The following EFNA5 variants were observed in gnomAD, a reference collection of about 807,000 sequenced individuals.
EFNA5 encodes ephrin-A5.
Under a neutral mutation model 22.9 loss-of-function variants are expected in EFNA5, and 5 were observed. The observed-to-expected ratio is 0.22, with a 90% CI of 0.11 to 0.46. EFNA5 has a LOEUF of 0.46. Among genes scored for constraint, EFNA5 ranks in the 20% least tolerant of loss-of-function variants. EFNA5 has a pLI of 0.99. For synonymous variants in EFNA5, 113 were observed against 112.2 expected, an observed-to-expected ratio of 1.01 and a Z score of -0.04; for missense variants, 237 against 293.3, an observed-to-expected ratio of 0.81 and a Z score of 1.40.
Position 107,381,358 on chromosome 5 carries a change from G to A in EFNA5, c.584C>T (p.Ser195Leu). Residue 195 changes from serine (S) to leucine (L), a missense_variant, in exon 5 of 5, where the codon TCA (serine) becomes TTA (leucine). Ser to Leu is a moderately radical substitution (Grantham distance 145). Coordinates refer to ENST00000333274, the MANE Select transcript of EFNA5 (RefSeq NM_001962.3). ...GTTCTCGCCGCGGGATGGCTCGGCTGACTCATGTACGGTGTCATCTGTTCA... is the reference window on the plus strand; with the variant it reads ...GTTCTCGCCGCGGGATGGCTCGGCTAACTCATGTACGGTGTCATCTGTTCA... The part of the protein sequence containing the change: ...LEPADDTVHE[S>L]AEPSRGENAA... 1 of 1,613,864 alleles carries A rather than the reference G, an allele frequency of 6.2e-7. No homozygotes were observed. Among genetic ancestry groups the A allele is most frequent in the Non-Finnish European group, 8.5e-7 (1 of 1,179,826 alleles).
intron 1 of EFNA5, among the ~76,000 whole-genome samples, chr5:107,598,049 G>T (rs140882043): frequency 6.6e-6 from 1 of 152,064 alleles, no homozygotes; most frequent in Non-Finnish European, 1.5e-5. Context: ...AACCATTTAC[G>T]ATAACTTTAA....
rs758700472 is a variant in EFNA5 at position 107,387,319 on chromosome 5, T to C, written c.485-4A>G. 4 of 1,582,590 alleles carry C rather than the reference T, an allele frequency of 2.5e-6. No individual in the cohort carries two copies. Among genetic ancestry groups the C allele is most frequent in the East Asian group, 2.3e-5 (1 of 44,264 alleles). ...CCTATAGTTTTCATACAGCTATCTA[T>C]AACAAAAATAGAGATAACAGCCAAA... On this transcript the variant is annotated splice_region_variant and splice_polypyrimidine_tract_variant and intron_variant, in intron 3 of 4. Coordinates refer to ENST00000333274, the MANE Select transcript of EFNA5 (RefSeq NM_001962.3).
intron 1 of EFNA5, among the ~76,000 whole-genome samples, chr5:107,513,607 A>G (rs79815346): frequency 0.022 from 3,340 of 152,308 alleles, 51 homozygotes; most frequent in Middle Eastern, 0.048. Context: ...CACCCCACCG[A>G]AATCAACTGT....
At chr5:107,510,607 G>A (rs904576640) in intron 1 of EFNA5, among the ~76,000 whole-genome samples, 3 of 152,168 alleles carry the variant, frequency 2.0e-5, no homozygotes, top group Non-Finnish European at 4.4e-5. Context: ...TTACCAGGAA[G>A]TCTTAAATGT....
chr5:107,448,338 G>A (rs573506292), intron 1 of EFNA5, among the ~76,000 whole-genome samples: 2 of 152,094 alleles, frequency 1.3e-5, no homozygotes, highest in Non-Finnish European at 2.9e-5. Flanking sequence ...TCCATTAAAC[G>A]ACTATTTGTA....
At chr5:107,509,850 A>G (rs1031964067) in intron 1 of EFNA5, among the ~76,000 whole-genome samples, 6 of 152,190 alleles carry the variant, frequency 3.9e-5, no homozygotes, top group African/African-American at 1.4e-4. Context: ...CACATAATGG[A>G]CACTCAGAAC....
chr5:107,408,928 C>G (rs1289485765), intron 2 of EFNA5, among the ~76,000 whole-genome samples: 1 of 152,154 alleles, frequency 6.6e-6, no homozygotes, highest in East Asian at 1.9e-4. Context: ...TGTCATTGTT[C>G]TGAAGAAAGA....
intron 1 of EFNA5, among the ~76,000 whole-genome samples, chr5:107,653,450 C>T (rs1327938824): frequency 1.3e-5 from 2 of 152,146 alleles, no homozygotes; most frequent in Non-Finnish European, 2.9e-5. Flanking sequence ...CACATGCATA[C>T]TTGAGCCCGC....
At chr5:107,423,678 C>T (rs530973235) in intron 2 of EFNA5, among the ~76,000 whole-genome samples, 1 of 152,270 alleles carries the variant, frequency 6.6e-6, no homozygotes, top group African/African-American at 2.4e-5. Context: ...TCTGTAATTA[C>T]TTTAGTATGC....
chr5:107,617,177 A>C (rs1749936953), intron 1 of EFNA5, among the ~76,000 whole-genome samples: 1 of 151,610 alleles, frequency 6.6e-6, no homozygotes. Flanking sequence ...CCCATAAAAA[A>C]ACTAAACATT....
chr5:107,606,455 T>A (rs1361662613), intron 1 of EFNA5, among the ~76,000 whole-genome samples: 23 of 152,068 alleles, frequency 1.5e-4, no homozygotes, highest in African/African-American at 5.1e-4. Flanking sequence ...TCTATCCATC[T>A]ACCTGTTTTG....
intron 1 of EFNA5, among the ~76,000 whole-genome samples, chr5:107,537,339 CA>C (rs1747950094): frequency 6.6e-6 from 1 of 151,636 alleles, no homozygotes; most frequent in African/African-American, 2.4e-5. Flanking sequence ...ACTAAAAATA[CA>C]AAATTAGCCA....
intron 1 of EFNA5, among the ~76,000 whole-genome samples, chr5:107,588,575 C>T (rs1162436330): frequency 6.6e-6 from 1 of 152,172 alleles, no homozygotes; most frequent in East Asian, 1.9e-4. Flanking sequence ...TTTAAAATGA[C>T]TTGGGAAAGA....
rs535477853 is a variant in EFNA5, at chr5:107,644,504, T to C, written c.125+25985A>G. ...CATCCAAAGAAATCTCATATGTAAATAGAAACTTGTATATTTTTTGCTGTA... is the reference window on the plus strand; with the variant it reads ...CATCCAAAGAAATCTCATATGTAAACAGAAACTTGTATATTTTTTGCTGTA... On this transcript the variant is annotated intron_variant, in intron 1 of 4. Coordinates refer to ENST00000333274, the MANE Select transcript of EFNA5 (RefSeq NM_001962.3). Among the ~76,000 whole-genome samples, 8 of 152,272 alleles carry C rather than the reference T, an allele frequency of 5.3e-5. No homozygotes were observed. In the East Asian group the frequency reaches 9.7e-4, roughly 18 times the overall value.
chr5:107,461,295 G>A (rs902505598), intron 1 of EFNA5, among the ~76,000 whole-genome samples: 21 of 152,158 alleles, frequency 1.4e-4, no homozygotes, highest in African/African-American at 4.3e-4. Flanking sequence ...TTCAGATGAA[G>A]CAAGGACAGA....
Position 107,381,388 on chromosome 5 carries a change from G to C in EFNA5, c.566-12C>G. On this transcript the variant is annotated splice_polypyrimidine_tract_variant and intron_variant, in intron 4 of 4. Transcript: ENST00000333274. ...ATGTACGGTGTCATCTGTTCAAATA[G>C]AAAGCACACATTCCAATGAGATTTC... The C allele has an allele frequency of 6.2e-7, 1 of 1,600,920 alleles. No homozygotes were observed. The highest frequency in any genetic ancestry group is 8.5e-7 in the Non-Finnish European group (1 of 1,169,630).
At chr5:107,645,984 A>G (rs2112548659) in intron 1 of EFNA5, among the ~76,000 whole-genome samples, 1 of 152,324 alleles carries the variant, frequency 6.6e-6, no homozygotes, top group South Asian at 2.1e-4. Context: ...ATGGATAAGG[A>G]TCTATTTACA....
Position 107,430,922 on chromosome 5 carries a change from T to A in EFNA5, c.126-3413A>T, listed in dbSNP as rs1300210863. ...CTCCCAAGTAGCAGGGATACAGGCA[T>A]GCGCCACCACACCCAGTTGATTTTT... On this transcript the variant is annotated intron_variant, in intron 1 of 4. Coordinates refer to ENST00000333274, the MANE Select transcript of EFNA5 (RefSeq NM_001962.3). 2.0e-5 allele frequency among the ~76,000 whole-genome samples: 3 copies of A among 151,806 alleles called. No homozygotes were observed. The East Asian group carries it at 5.8e-4, about 29-fold the overall frequency.
At chr5:107,528,612 T>C (rs1011895594) in intron 1 of EFNA5, among the ~76,000 whole-genome samples, 6 of 152,316 alleles carry the variant, frequency 3.9e-5, no homozygotes, top group South Asian at 2.1e-4. Flanking sequence ...CTTGGTTGTA[T>C]TGAGTTTGTT....
Sources: gnomAD v4.1 joint callset for allele counts (sites outside exome capture counted in the v4.1 genomes callset) on GRCh38, gnomAD v4.1.1 for gene constraint, MANE v1.5 for transcripts, NCBI Gene and HGNC (gene_info 2026-07-23, HGNC 2026-07-21) for gene names.